Variants in TCAIM observed in about 807,000 individuals in gnomAD.
TCAIM encodes T-cell activation inhibitor, mitochondrial.
In TCAIM, 36 loss-of-function variants were observed where a neutral mutation model predicts 58.6. The ratio of observed to expected loss-of-function variants is 0.61; its 90% CI spans 0.47 to 0.81. The LOEUF is 0.81. Ranked by LOEUF, TCAIM falls within the 30% of genes least tolerant of loss-of-function variation. The pLI, the probability that TCAIM is intolerant of heterozygous loss-of-function variation, is 0.00. For missense variants in TCAIM, 466 were observed against 579.6 expected, an observed-to-expected ratio of 0.80 and a Z score of 2.01; for synonymous variants, 172 against 193.6, an observed-to-expected ratio of 0.89 and a Z score of 0.93.
intron 5 of TCAIM, among the ~76,000 whole-genome samples, chr3:44,385,229 C>G (rs1701720109): frequency 6.6e-6 from 1 of 152,148 alleles, no homozygotes; most frequent in Non-Finnish European, 1.5e-5. Flanking sequence ...AAATAAATTA[C>G]AAGGATATGA....
At chr3:44,352,184 T>C (rs1368395840) in intron 1 of TCAIM, among the ~76,000 whole-genome samples, 2 of 151,636 alleles carry the variant, frequency 1.3e-5, no homozygotes. Context: ...GAGAACGTGC[T>C]ACTCAGCAGC....
rs370303787 is a variant in TCAIM, at chr3:44,350,214, G to C, written c.-44-4525G>C. Among the ~76,000 whole-genome samples, 27 of 152,242 alleles carry C rather than the reference G, an allele frequency of 1.8e-4. No homozygotes were observed. The East Asian group carries it at 3.7e-3, about 21-fold the overall frequency. Reference sequence around the variant, plus strand: ...CAGTCAAACGGGGTTGTTCTCTTGAGGGCAGGGGCGAGGGTCACAAGGTGC... The same window carrying C: ...CAGTCAAACGGGGTTGTTCTCTTGACGGCAGGGGCGAGGGTCACAAGGTGC... On this transcript the variant is annotated intron_variant, in intron 1 of 10. Coordinates refer to ENST00000342649, the MANE Select transcript of TCAIM (RefSeq NM_173826.4).
intron 5 of TCAIM, among the ~76,000 whole-genome samples, chr3:44,387,793 T>C (rs1048651711): frequency 6.6e-6 from 1 of 151,920 alleles, no homozygotes; most frequent in Non-Finnish European, 1.5e-5. Flanking sequence ...ACCACAGAGG[T>C]TTCCAGCTGG....
intron 9 of TCAIM, 114 bp from the exon 10 acceptor site, chr3:44,401,089 G>A (rs991138490): frequency 1.4e-6 from 2 of 1,438,474 alleles, no homozygotes; most frequent in African/African-American, 2.9e-5. Flanking sequence ...GTACTTTTGA[G>A]GTGGCTTTTC....
chr3:44,384,400 T>C (rs982342694), intron 5 of TCAIM, among the ~76,000 whole-genome samples: 4 of 152,250 alleles, frequency 2.6e-5, no homozygotes, highest in Admixed American at 2.0e-4. Flanking sequence ...TGCTGTCTAG[T>C]GATCTCACTG....
chr3:44,348,889 C>T (rs1323701207), intron 1 of TCAIM, among the ~76,000 whole-genome samples: 1 of 152,100 alleles, frequency 6.6e-6, no homozygotes, highest in Non-Finnish European at 1.5e-5. Context: ...AAAAAAGGAG[C>T]ATTAACCTTG....
At chr3:44,381,924 C>T (rs558255479) in intron 5 of TCAIM, among the ~76,000 whole-genome samples, 5 of 152,062 alleles carry the variant, frequency 3.3e-5, no homozygotes, top group East Asian at 3.9e-4. Flanking sequence ...ACTGAAGAGA[C>T]GAAAGACTTG....
At position 44,396,521 on chromosome 3, in the gene TCAIM, A is replaced by T. The variant is rs367626894; in HGVS notation, c.793+24A>T. 2.4e-5 allele frequency: 39 copies of T among 1,599,302 alleles called. No homozygotes were observed. The African/African-American group carries it at 3.9e-4, about 16-fold the overall frequency. ...AGGTAAACATTTTCCATTTTCTTTT[A>T]AAAAATCACTTAGCTGCTATGTACG... On this transcript the variant is annotated intron_variant, in intron 7 of 10. Transcript: ENST00000342649.
At chr3:44,382,923 A>G (rs1701676268) in intron 5 of TCAIM, among the ~76,000 whole-genome samples, 1 of 152,196 alleles carries the variant, frequency 6.6e-6, no homozygotes, top group Admixed American at 6.5e-5. Context: ...AAATGGGCAA[A>G]GGACTTGAAT....
At chr3:44,376,418 G>T (rs1701566500) in intron 5 of TCAIM, among the ~76,000 whole-genome samples, 1 of 152,120 alleles carries the variant, frequency 6.6e-6, no homozygotes, top group Non-Finnish European at 1.5e-5. Flanking sequence ...TAATTTTGTG[G>T]TAACAACTGA....
intron 5 of TCAIM, among the ~76,000 whole-genome samples, chr3:44,387,395 G>A (rs528982610): frequency 6.6e-6 from 1 of 152,208 alleles, no homozygotes; most frequent in Admixed American, 6.5e-5. Context: ...ACACAAACAG[G>A]GCTGAAACAC....
intron 2 of TCAIM, among the ~76,000 whole-genome samples, chr3:44,356,507 G>A (rs932303860): frequency 6.6e-5 from 10 of 151,818 alleles, no homozygotes; most frequent in African/African-American, 2.2e-4. Flanking sequence ...GGGCAACAGA[G>A]TGAGACTCTG....
chr3:44,396,351 G>T lies in TCAIM; in HGVS notation c.696-49G>T, dbSNP rs115343607. On this transcript the variant is annotated intron_variant, in intron 6 of 10. Coordinates refer to ENST00000342649, the MANE Select transcript of TCAIM (RefSeq NM_173826.4). Reference sequence around the variant, plus strand: ...AGTAGTTGTGGTGGGTGCTCGCTCCGTCTTCAGGGTGCCACTTGTTAACAT... The same window carrying T: ...AGTAGTTGTGGTGGGTGCTCGCTCCTTCTTCAGGGTGCCACTTGTTAACAT... 4 of 1,550,274 alleles carry T rather than the reference G, an allele frequency of 2.6e-6. No individual in the cohort carries two copies. The Admixed American group carries it at 7.9e-5, about 31-fold the overall frequency.
chr3:44,400,307 T>G, intron 8 of TCAIM, 48 bp from the exon 9 acceptor site: 2 of 1,375,042 alleles, frequency 1.5e-6, no homozygotes, highest in East Asian at 4.8e-5. Flanking sequence ...ATTAAATTAT[T>G]ATAGTAACAT....
chr3:44,339,047 CTT>C (rs1265661533), intron 1 of TCAIM, among the ~76,000 whole-genome samples: 2 of 152,138 alleles, frequency 1.3e-5, no homozygotes, highest in African/African-American at 4.8e-5. Flanking sequence ...TTGTTTCCGA[CTT>C]ATATTTTTCC....
intron 5 of TCAIM, among the ~76,000 whole-genome samples, chr3:44,381,974 TAGAG>T (rs1482507810): frequency 6.6e-6 from 1 of 152,146 alleles, no homozygotes; most frequent in East Asian, 1.9e-4. Context: ...TGAAAGAAAT[TAGAG>T]AAGATATAAG....
chr3:44,401,115 T>A (rs1325346605), intron 9 of TCAIM, 88 bp from the exon 10 acceptor site: 3 of 1,523,604 alleles, frequency 2.0e-6, no homozygotes, highest in Non-Finnish European at 2.6e-6. Context: ...GATTTTTTTT[T>A]ATTTTCCTGA....
At chr3:44,353,574 A>G (rs964861631) in intron 1 of TCAIM, among the ~76,000 whole-genome samples, 4 of 152,200 alleles carry the variant, frequency 2.6e-5, no homozygotes, top group African/African-American at 7.2e-5. Context: ...TGCTGTTGCC[A>G]CACATCCTTA....
At chr3:44,341,940 T>C (rs1019298110) in intron 1 of TCAIM, among the ~76,000 whole-genome samples, 2 of 152,202 alleles carry the variant, frequency 1.3e-5, no homozygotes, top group African/African-American at 4.8e-5. Context: ...TAGAAAAGTC[T>C]TATTGAATAT....
Sources: gnomAD v4.1 joint callset for allele counts (sites outside exome capture counted in the v4.1 genomes callset) on GRCh38, gnomAD v4.1.1 for gene constraint, MANE v1.5 for transcripts, NCBI Gene and HGNC (gene_info 2026-07-23, HGNC 2026-07-21) for gene names.